Variants in SHROOM3 observed in about 807,000 individuals in gnomAD.
SHROOM3 encodes the protein protein Shroom3.
SHROOM3 carries 47 observed loss-of-function variants against 138.6 expected under a neutral mutation model. The ratio of observed to expected loss-of-function variants is 0.34; its 90% CI spans 0.27 to 0.43. The LOEUF is 0.43. Ranked by LOEUF, SHROOM3 falls within the 20% of genes least tolerant of loss-of-function variation. The pLI, the probability that SHROOM3 is intolerant of heterozygous loss-of-function variation, is 1.00. For synonymous variants in SHROOM3, 1,062 were observed against 1,063.3 expected, an observed-to-expected ratio of 1.00 and a Z score of 0.02; for missense variants, 2,491 against 2,596.5, an observed-to-expected ratio of 0.96 and a Z score of 0.88.
intron 2 of SHROOM3, among the ~76,000 whole-genome samples, chr4:76,583,272 A>G (rs146939755): frequency 6.6e-6 from 1 of 152,142 alleles, no homozygotes; most frequent in South Asian, 2.1e-4. Flanking sequence ...TCCAGACTTG[A>G]GGACCCCTGA....
intron 1 of SHROOM3, among the ~76,000 whole-genome samples, chr4:76,510,015 G>C (rs1371884863): frequency 6.6e-6 from 1 of 152,080 alleles, no homozygotes. Context: ...GTTAAAGTGA[G>C]TACTTCCATA....
intron 1 of SHROOM3, among the ~76,000 whole-genome samples, chr4:76,515,343 GC>G (rs148605723): frequency 0.016 from 2,469 of 151,874 alleles, 51 homozygotes; most frequent in African/African-American, 0.056. Flanking sequence ...CCAAGATGGT[GC>G]CACTGCATTC....
intron 2 of SHROOM3, among the ~76,000 whole-genome samples, chr4:76,684,021 T>C (rs1719267911): frequency 6.6e-6 from 1 of 152,240 alleles, no homozygotes; most frequent in African/African-American, 2.4e-5. Flanking sequence ...CTGGTGGATG[T>C]AGACAGCAAA....
rs1242255257 is a variant in SHROOM3, at chr4:76,780,647, G to A, written c.*1470G>A. The A allele has an allele frequency of 6.6e-6, 1 of 152,044 alleles. No individual in the cohort carries two copies. The highest frequency in any genetic ancestry group is 1.5e-5 in the Non-Finnish European group (1 of 68,006). The allele number at this position is 152,044 out of a possible 1,614,324, so 9.4% of individuals were successfully genotyped here. A position where few individuals can be genotyped will look rare whatever the true frequency, so the allele number is the denominator to read the frequency against. Reference sequence around the variant, plus strand: ...TAAGAATATCAAAATTGTAGTTTGGGTCTCCAGTAGAGATGTCTTTTGATT... The same window carrying A: ...TAAGAATATCAAAATTGTAGTTTGGATCTCCAGTAGAGATGTCTTTTGATT... On this transcript the variant is annotated 3_prime_UTR_variant, in exon 11 of 11. Transcript: ENST00000296043.
At chr4:76,606,143 A>G (rs1413498638) in intron 2 of SHROOM3, among the ~76,000 whole-genome samples, 1 of 147,910 alleles carries the variant, frequency 6.8e-6, no homozygotes, top group Non-Finnish European at 1.5e-5. Context: ...CCTCCTAAGT[A>G]GCTGGTATTA....
intron 2 of SHROOM3, among the ~76,000 whole-genome samples, chr4:76,633,498 T>C (rs1735393295): frequency 1.3e-5 from 2 of 150,842 alleles, no homozygotes; most frequent in East Asian, 3.9e-4. Context: ...CTATTAAAAA[T>C]ACAAAAAATT....
chr4:76,487,563 T>C (rs1301862520), intron 1 of SHROOM3, among the ~76,000 whole-genome samples: 1 of 152,194 alleles, frequency 6.6e-6, no homozygotes, highest in Non-Finnish European at 1.5e-5. Context: ...TATATCTGGC[T>C]TGGCTGGTAA....
rs372350621 is a variant in SHROOM3 at position 76,601,026 on chromosome 4, C to T, written c.323+45263C>T. On this transcript the variant is annotated intron_variant, in intron 2 of 10. Coordinates refer to ENST00000296043, the MANE Select transcript of SHROOM3 (RefSeq NM_020859.4). ...TTGGTGCAAAAGTAATTACAGTTTT[C>T]GCAATTACTTTAACGGCAAAAGCCA... Among the ~76,000 whole-genome samples, 10 of 152,214 alleles carry T rather than the reference C, an allele frequency of 6.6e-5. No homozygotes were observed. The East Asian group carries it at 7.7e-4, about 12-fold the overall frequency.
At chr4:76,575,829 A>G (rs987741225) in intron 2 of SHROOM3, among the ~76,000 whole-genome samples, 2 of 152,230 alleles carry the variant, frequency 1.3e-5, no homozygotes, top group African/African-American at 4.8e-5. Flanking sequence ...ACAAATTGCA[A>G]GAATCAATAT....
chr4:76,567,058 A>G (rs780468462), intron 2 of SHROOM3, among the ~76,000 whole-genome samples: 8 of 152,158 alleles, frequency 5.3e-5, no homozygotes, highest in Non-Finnish European at 1.0e-4. Context: ...TGAAAAACGC[A>G]ATTTTTCTAC....
chr4:76,736,812 C>T (rs922890553), intron 4 of SHROOM3, among the ~76,000 whole-genome samples: 1 of 151,074 alleles, frequency 6.6e-6, no homozygotes, highest in East Asian at 1.9e-4. Flanking sequence ...TGAACAAAGT[C>T]CAGAGATTTC....
chr4:76,596,280 C>CT (rs2110052015), intron 2 of SHROOM3, among the ~76,000 whole-genome samples: 1 of 152,182 alleles, frequency 6.6e-6, no homozygotes, highest in African/African-American at 2.4e-5. Flanking sequence ...GGTGTGGTGG[C>CT]TTGTGCCTAT....
intron 2 of SHROOM3, among the ~76,000 whole-genome samples, chr4:76,677,420 C>T (rs1230176836): frequency 6.6e-6 from 1 of 152,124 alleles, no homozygotes; most frequent in African/African-American, 2.4e-5. Flanking sequence ...AGTTGAGCTT[C>T]GTTTTCTCTT....
intron 1 of SHROOM3, among the ~76,000 whole-genome samples, chr4:76,491,600 T>C (rs531927274): frequency 1.3e-5 from 2 of 152,300 alleles, no homozygotes; most frequent in East Asian, 3.9e-4. Context: ...CATGATGTCA[T>C]GCGAGGAGCT....
chr4:76,596,719 C>A (rs535027849), intron 2 of SHROOM3, among the ~76,000 whole-genome samples: 1 of 152,174 alleles, frequency 6.6e-6, no homozygotes, highest in African/African-American at 2.4e-5. Flanking sequence ...AAGAAATTCC[C>A]ATTTTTGCTT....
chr4:76,447,920 G>A (rs994560611), intron 1 of SHROOM3, among the ~76,000 whole-genome samples: 1 of 151,984 alleles, frequency 6.6e-6, no homozygotes, highest in Non-Finnish European at 1.5e-5. Flanking sequence ...CCCCTCCACT[G>A]GGCCAACACA....
chr4:76,454,700 T>TA (rs1375022332), intron 1 of SHROOM3, among the ~76,000 whole-genome samples: 1 of 152,190 alleles, frequency 6.6e-6, no homozygotes, highest in African/African-American at 2.4e-5. Context: ...ATTTCTGCAG[T>TA]AAATGTCATT....
chr4:76,780,327 G>C lies in SHROOM3; in HGVS notation c.*1150G>C, dbSNP rs991781302. On this transcript the variant is annotated 3_prime_UTR_variant, in exon 11 of 11. Transcript: ENST00000296043. ...TAAAAACAAACTGGAAGGCTGAGGAGGTTATGGGCTGGCAGCCAGGCTATG... is the reference window on the plus strand; with the variant it reads ...TAAAAACAAACTGGAAGGCTGAGGACGTTATGGGCTGGCAGCCAGGCTATG... 6.6e-6 allele frequency: 1 copy of C among 152,196 alleles called. No individual in the cohort carries two copies. The highest frequency in any genetic ancestry group is 2.4e-5 in the African/African-American group (1 of 41,446). 9.4% of individuals were successfully genotyped at this position (152,196 alleles called of 1,614,324 possible). A position where few individuals can be genotyped will look rare whatever the true frequency, so the allele number is the denominator to read the frequency against.
chr4:76,692,459 T>A (rs1012758279), intron 2 of SHROOM3, among the ~76,000 whole-genome samples: 1 of 152,168 alleles, frequency 6.6e-6, no homozygotes, highest in Non-Finnish European at 1.5e-5. Context: ...AGAAATTAAG[T>A]TTGTTGTAAA....
Sources: allele counts gnomAD v4.1 joint callset (sites outside exome capture counted in the v4.1 genomes callset), GRCh38; gene constraint gnomAD v4.1.1; transcripts MANE v1.5; gene names NCBI Gene and HGNC (gene_info 2026-07-23, HGNC 2026-07-21).